Variants in TFEC observed in about 807,000 individuals in gnomAD.
The protein encoded by TFEC is transcription factor EC.
A neutral mutation model predicts 41.6 loss-of-function variants in TFEC; 31 were observed. That is an observed-to-expected ratio of 0.74 (90% CI 0.56 to 1.01). The LOEUF is 1.01. Among genes scored for constraint, TFEC ranks in the 50% least tolerant of loss-of-function variants. The pLI, the probability that TFEC is intolerant of heterozygous loss-of-function variation, is 0.00. For synonymous variants in TFEC, 143 were observed against 140.6 expected (o/e 1.02, Z -0.12); for missense variants, 402 against 404.1 (o/e 0.99, Z 0.04).
intron 3 of TFEC, among the ~76,000 whole-genome samples, chr7:116,049,894 A>G (rs1461550672): frequency 6.6e-6 from 1 of 152,218 alleles, no homozygotes; most frequent in African/African-American, 2.4e-5. Flanking sequence ...GTACACAACG[A>G]AATGAAGGCA....
intron 1 of TFEC, among the ~76,000 whole-genome samples, chr7:115,999,169 C>T (rs925799022): frequency 3.3e-5 from 5 of 151,708 alleles, no homozygotes; most frequent in Non-Finnish European, 7.4e-5. Context: ...AATAAAACTA[C>T]AAATCAACAA....
chr7:115,954,549 T>A, intron 5 of TFEC, 37 bp downstream of exon 5: 2 of 1,570,394 alleles, frequency 1.3e-6, no homozygotes, highest in Non-Finnish European at 1.7e-6. Flanking sequence ...ATGCATTTCC[T>A]TTTGCATTAA....
intron 6 of TFEC, 53 bp downstream of exon 6, chr7:115,950,821 T>G: frequency 1.4e-6 from 2 of 1,388,880 alleles, no homozygotes; most frequent in Non-Finnish European, 2.0e-6. Flanking sequence ...CTCCCATTCA[T>G]TTTGGGGGTC....
At chr7:116,141,842 GTTT>G (rs1437391885) in intron 1 of TFEC, among the ~76,000 whole-genome samples, 1 of 152,190 alleles carries the variant, frequency 6.6e-6, no homozygotes, top group East Asian at 1.9e-4. Flanking sequence ...GATATCAATA[GTTT>G]TCTAAGAAGC....
chr7:116,109,598 G>A (rs1215331125), intron 3 of TFEC, among the ~76,000 whole-genome samples: 2 of 152,224 alleles, frequency 1.3e-5, no homozygotes, highest in Non-Finnish European at 2.9e-5. Flanking sequence ...AGGATGTGGA[G>A]AAATAGGAAC....
At position 116,054,098 on chromosome 7, in the gene TFEC, T is replaced by C. The variant is rs189891394; in HGVS notation, c.198+56610A>G. ...ACAAGCCAGGTAGTCTGGCTTTGTA[T>C]ACTAATAATTCTATACCATCAGGGA... On this transcript the variant is annotated intron_variant, in intron 3 of 8. Transcript: ENST00000484212. 1.2e-3 allele frequency among the ~76,000 whole-genome samples: 178 copies of C among 152,340 alleles called. 1 individual carries two copies. The highest frequency in any genetic ancestry group is 4.1e-3 in the African/African-American group (170 of 41,592).
At chr7:116,143,574 C>G (rs561563442) in intron 1 of TFEC, among the ~76,000 whole-genome samples, 26 of 152,290 alleles carry the variant, frequency 1.7e-4, no homozygotes, top group African/African-American at 4.8e-4. Context: ...TTGCTGAAGT[C>G]TAAATCAAGA....
At chr7:116,050,358 T>C (rs1330473414) in intron 3 of TFEC, among the ~76,000 whole-genome samples, 1 of 152,184 alleles carries the variant, frequency 6.6e-6, no homozygotes, top group Non-Finnish European at 1.5e-5. Flanking sequence ...TAAACACCTC[T>C]ATGCAAATGA....
chr7:116,135,900 G>T (rs1798423828), intron 1 of TFEC, among the ~76,000 whole-genome samples: 1 of 152,066 alleles, frequency 6.6e-6, no homozygotes, highest in Non-Finnish European at 1.5e-5. Flanking sequence ...TCTATAATGT[G>T]TATGATCACA....
At chr7:116,011,986 G>A (rs1795019308) in intron 1 of TFEC, among the ~76,000 whole-genome samples, 1 of 152,172 alleles carries the variant, frequency 6.6e-6, no homozygotes, top group Admixed American at 6.6e-5. Context: ...GCAGAACCAT[G>A]AGCCAAAATA....
intron 1 of TFEC, among the ~76,000 whole-genome samples, chr7:115,989,382 A>G (rs2130706694): frequency 6.6e-6 from 1 of 152,322 alleles, no homozygotes; most frequent in East Asian, 1.9e-4. Context: ...TACCACGTTC[A>G]TCTCACTGGG....
At chr7:116,086,560 T>G (rs1162707384) in intron 3 of TFEC, among the ~76,000 whole-genome samples, 3 of 151,850 alleles carry the variant, frequency 2.0e-5, no homozygotes, top group Non-Finnish European at 4.4e-5. Flanking sequence ...TATCGAATGC[T>G]TCTTTATGAG....
At chr7:116,150,968 T>A (rs1400873397) in intron 1 of TFEC, among the ~76,000 whole-genome samples, 1 of 152,178 alleles carries the variant, frequency 6.6e-6, no homozygotes, top group Admixed American at 6.5e-5. Flanking sequence ...AAATCAGGAT[T>A]TGGAGTTCTA....
chr7:116,139,451 G>A (rs1024962911), intron 1 of TFEC, among the ~76,000 whole-genome samples: 1 of 152,124 alleles, frequency 6.6e-6, no homozygotes, highest in Admixed American at 6.6e-5. Flanking sequence ...AAGAGCCACT[G>A]CTTTATCATG....
Position 115,976,601 on chromosome 7 carries a change from C to A in TFEC, c.181-2345G>T, listed in dbSNP as rs568319013. On this transcript the variant is annotated intron_variant, in intron 2 of 7. Transcript: ENST00000265440. ...GTTAATAGATGTGCATATTTTGTTT[C>A]TTTTGTTTGGTCCAGTCTCTGAAAT... Among the ~76,000 whole-genome samples, 11 of 152,108 alleles carry A rather than the reference C, an allele frequency of 7.2e-5. No homozygotes were observed. The South Asian group carries it at 2.3e-3, about 32-fold the overall frequency.
chr7:116,012,889 T>C (rs1425472591), intron 1 of TFEC, among the ~76,000 whole-genome samples: 1 of 151,376 alleles, frequency 6.6e-6, no homozygotes, highest in African/African-American at 2.4e-5. Flanking sequence ...GCTGGAAAAC[T>C]TTTTATATCC....
chr7:115,978,720 T>C (rs1264003363), intron 2 of TFEC, among the ~76,000 whole-genome samples: 1 of 152,168 alleles, frequency 6.6e-6, no homozygotes, highest in Non-Finnish European at 1.5e-5. Flanking sequence ...TCAGTTCTTA[T>C]TTTACTAGAC....
At chr7:115,974,808 G>A (rs900577759) in intron 2 of TFEC, among the ~76,000 whole-genome samples, 5 of 151,708 alleles carry the variant, frequency 3.3e-5, no homozygotes, top group African/African-American at 1.2e-4. Context: ...CTTCTCTAAA[G>A]ACCAATAATA....
intron 1 of TFEC, among the ~76,000 whole-genome samples, chr7:116,009,499 A>G (rs1334932000): frequency 6.6e-6 from 1 of 152,184 alleles, no homozygotes; most frequent in African/African-American, 2.4e-5. Context: ...ATCATGTTTC[A>G]TATTACTGCA....
Sources: gnomAD v4.1 joint callset for allele counts (sites outside exome capture counted in the v4.1 genomes callset) on GRCh38, gnomAD v4.1.1 for gene constraint, MANE v1.5 for transcripts, NCBI Gene and HGNC (gene_info 2026-07-23, HGNC 2026-07-21) for gene names.